AGBL1: variants seen among roughly 807,000 people sequenced by gnomAD.
AGBL1 encodes the protein AGBL carboxypeptidase 1, also known as cytosolic carboxypeptidase 4.
A neutral mutation model predicts 118.9 loss-of-function variants in AGBL1; 130 were observed. The ratio of observed to expected loss-of-function variants is 1.09; its 90% confidence interval spans 0.95 to 1.26. The LOEUF (loss-of-function observed/expected upper bound fraction) is 1.26, where lower values mean the gene tolerates loss of function less well. Ranked by LOEUF, AGBL1 falls within the 50% of genes most tolerant of loss-of-function variation. AGBL1 has a pLI of 0.00. For missense variants in AGBL1, 1,584 were observed against 1,298.1 expected (o/e 1.22, Z -3.38); for synonymous variants, 555 against 478.9 (o/e 1.16, Z -2.08).
chr15:86,879,751 T>G (rs2079864777), intron 22 of AGBL1, among the ~76,000 whole-genome samples: 1 of 152,158 alleles, frequency 6.6e-6, no homozygotes, highest in Non-Finnish European at 1.5e-5. Flanking sequence ...ACGAAACGGC[T>G]CTTTATTTAG....
chr15:86,184,759 T>G (rs1281863357), intron 5 of AGBL1, among the ~76,000 whole-genome samples: 1 of 152,150 alleles, frequency 6.6e-6, no homozygotes, highest in Non-Finnish European at 1.5e-5. Context: ...TACCAATGAC[T>G]TTCTTCACAG....
At chr15:86,347,040 G>A (rs1188639107) in intron 17 of AGBL1, among the ~76,000 whole-genome samples, 2 of 152,168 alleles carry the variant, frequency 1.3e-5, no homozygotes, top group African/African-American at 2.4e-5. Flanking sequence ...TATTGAATAT[G>A]TGGTGCCCAA....
At chr15:86,196,877 G>GCGCACA (rs1555446473) in intron 5 of AGBL1, among the ~76,000 whole-genome samples, 1 of 86,322 alleles carries the variant, frequency 1.2e-5, no homozygotes, top group Non-Finnish European at 2.2e-5. Context: ...GTGCGCGCGC[G>GCGCACA]CGCACACACA....
intron 6 of AGBL1, among the ~76,000 whole-genome samples, chr15:86,228,432 C>G (rs1440303041): frequency 6.6e-6 from 1 of 152,148 alleles, no homozygotes; most frequent in Admixed American, 6.5e-5. Context: ...TCTGTAATTG[C>G]ATCCCAAAAA....
intron 19 of AGBL1, among the ~76,000 whole-genome samples, chr15:86,532,105 G>A (rs969469466): frequency 2.0e-5 from 3 of 150,870 alleles, no homozygotes; most frequent in African/African-American, 4.9e-5. Flanking sequence ...GGAAGTTCTG[G>A]CCAGGGCAAT....
rs1470225491 is a variant in AGBL1, at chr15:86,909,350, G to C, written c.*2056G>C. ...TCCAAACACCACCAAGGGAGTTTTG[G>C]ATATATCAGAATAATCTCAGATGAC... On this transcript the variant is annotated 3_prime_UTR_variant, in exon 23 of 23. Coordinates refer to ENST00000614907, the MANE Select transcript of AGBL1 (RefSeq NM_001386094.1). The C allele has an allele frequency of 2.6e-5, 4 of 152,168 alleles. No homozygotes were observed. The highest frequency in any genetic ancestry group is 7.2e-5 in the African/African-American group (3 of 41,436). 9.4% of individuals were successfully genotyped at this position (152,168 alleles called of 1,614,324 possible). A position where few individuals can be genotyped will look rare whatever the true frequency, so the allele number is the denominator to read the frequency against.
chr15:86,264,383 G>C lies in AGBL1; in HGVS notation c.1212G>C (p.Gly404=). 6.2e-7 allele frequency: 1 copy of C among 1,613,814 alleles called. No homozygotes were observed. The highest frequency in any genetic ancestry group is 8.5e-7 in the Non-Finnish European group (1 of 1,179,816). Residue 404 remains glycine, a synonymous_variant, in exon 11 of 23, where the codon GGG becomes GGC. Coordinates refer to ENST00000614907, the MANE Select transcript of AGBL1 (RefSeq NM_001386094.1). ...HCYSKDQSSC[G]QEREYAVQTS... ...ACAGCAAGGACCAAAGCTCCTGTGG[G>C]CAAGAAAGAGAATATGCTGTCCAGA...
intron 4 of AGBL1, 95 bp from the exon 5 acceptor site, chr15:86,158,838 T>G (rs968374200): frequency 4.0e-6 from 4 of 1,010,730 alleles, no homozygotes; most frequent in Non-Finnish European, 6.2e-6. Context: ...GTTTATCAAG[T>G]TGCCCCTTAA....
At chr15:86,860,039 C>G (rs141549198) in intron 22 of AGBL1, among the ~76,000 whole-genome samples, 1 of 152,264 alleles carries the variant, frequency 6.6e-6, no homozygotes, top group East Asian at 1.9e-4. Context: ...TAGTCTGATT[C>G]AATAATGTCT....
chr15:86,147,008 G>A (rs929899385), intron 3 of AGBL1, among the ~76,000 whole-genome samples: 2 of 152,112 alleles, frequency 1.3e-5, no homozygotes, highest in African/African-American at 4.8e-5. Context: ...CATAGTGGGG[G>A]CAAAGAACAG....
intron 17 of AGBL1, among the ~76,000 whole-genome samples, chr15:86,337,887 T>TA (rs564829622): frequency 6.6e-6 from 1 of 151,992 alleles, no homozygotes; most frequent in African/African-American, 2.4e-5. Context: ...CACTTAAAAA[T>TA]AAAAAAGAAA....
chr15:86,930,785 A>G (rs1204156650), intron 23 of AGBL1, among the ~76,000 whole-genome samples: 2 of 152,300 alleles, frequency 1.3e-5, no homozygotes, highest in East Asian at 1.9e-4. Context: ...GATATAAAGG[A>G]AAATCTTGAG....
intron 22 of AGBL1, among the ~76,000 whole-genome samples, chr15:86,731,255 A>G (rs920382746): frequency 1.2e-4 from 18 of 152,138 alleles, no homozygotes; most frequent in Non-Finnish European, 1.2e-4. Flanking sequence ...TTTTACATTG[A>G]CCATCCTAGA....
At chr15:86,319,387 AT>A (rs200942493) in intron 17 of AGBL1, among the ~76,000 whole-genome samples, 1 of 152,042 alleles carries the variant, frequency 6.6e-6, no homozygotes, top group South Asian at 2.1e-4. Context: ...TTTAATTGGC[AT>A]TTTTTTGATA....
At chr15:86,635,300 CCCTCCT>C (rs567443527) in intron 21 of AGBL1, among the ~76,000 whole-genome samples, 33 of 46,424 alleles carry the variant, frequency 7.1e-4, no homozygotes, top group African/African-American at 2.0e-3. Flanking sequence ...CCTCCCCCTC[CCCTCCT>C]CCTCCTCCTC....
At chr15:86,565,169 G>A (rs1192130981) in intron 21 of AGBL1, among the ~76,000 whole-genome samples, 1 of 152,198 alleles carries the variant, frequency 6.6e-6, no homozygotes, top group Non-Finnish European at 1.5e-5. Flanking sequence ...TTCCATTGCT[G>A]GCGAGGAGCT....
chr15:86,688,341 A>G (rs966780730), intron 22 of AGBL1, among the ~76,000 whole-genome samples: 1 of 152,132 alleles, frequency 6.6e-6, no homozygotes, highest in African/African-American at 2.4e-5. Context: ...CCAAGAAGGA[A>G]CAGAGGTCAA....
At chr15:86,858,821 T>C (rs1277368347) in intron 22 of AGBL1, among the ~76,000 whole-genome samples, 1 of 152,122 alleles carries the variant, frequency 6.6e-6, no homozygotes, top group Non-Finnish European at 1.5e-5. Context: ...TCTAGATAGG[T>C]CTAAAAGACT....
intron 23 of AGBL1, among the ~76,000 whole-genome samples, chr15:86,940,060 C>CT (rs5814267): frequency 0.021 from 1,232 of 59,460 alleles, 119 homozygotes; most frequent in African/African-American, 0.039. Context: ...TTTGGTAGTC[C>CT]TTTTTTTTTT....
Sources: allele counts gnomAD v4.1 joint callset (sites outside exome capture counted in the v4.1 genomes callset), GRCh38; gene constraint gnomAD v4.1.1; transcripts MANE v1.5; gene names NCBI Gene and HGNC (gene_info 2026-07-23, HGNC 2026-07-21).